Variants in MCTP2 observed in about 807,000 individuals in gnomAD.
The protein encoded by MCTP2 is multiple C2 and transmembrane domain-containing protein 2.
In MCTP2, 132 loss-of-function variants were observed where a neutral mutation model predicts 111.6. The ratio of observed to expected loss-of-function variants is 1.18; its 90% CI spans 1.03 to 1.37. MCTP2 has a LOEUF of 1.37. Ranked by LOEUF, MCTP2 falls within the 40% of genes most tolerant of loss-of-function variation. The probability of loss-of-function intolerance (pLI) is 0.00; values close to 1 mark genes in which losing one functional copy is unlikely to be tolerated. For synonymous variants in MCTP2, 395 were observed against 387.7 expected (o/e 1.02, Z -0.22); for missense variants, 1,183 against 1,067.9 (o/e 1.11, Z -1.50).
intron 1 of MCTP2, among the ~76,000 whole-genome samples, chr15:94,286,369 A>G (rs2074755376): frequency 6.6e-6 from 1 of 152,170 alleles, no homozygotes; most frequent in African/African-American, 2.4e-5. Flanking sequence ...CCCTCATGTT[A>G]AAATGACGTG....
intron 8 of MCTP2, among the ~76,000 whole-genome samples, chr15:94,349,797 G>A (rs1298278744): frequency 1.4e-5 from 2 of 138,994 alleles, no homozygotes; most frequent in Non-Finnish European, 3.0e-5. Flanking sequence ...TCCAGCCTGG[G>A]CAACACAGCG....
intron 1 of MCTP2, among the ~76,000 whole-genome samples, chr15:94,280,244 T>G (rs1030281904): frequency 6.6e-6 from 1 of 152,012 alleles, no homozygotes; most frequent in Non-Finnish European, 1.5e-5. Flanking sequence ...TTTCGTAGGT[T>G]TTTAAATTTT....
intron 17 of MCTP2, among the ~76,000 whole-genome samples, chr15:94,429,221 A>G (rs543651952): frequency 1.3e-5 from 2 of 152,150 alleles, no homozygotes; most frequent in South Asian, 2.1e-4. Context: ...TCCATTTTAC[A>G]GTGGATTCCA....
chr15:94,440,223 G>A lies in MCTP2; in HGVS notation c.2133G>A (p.Leu711=), dbSNP rs761603558. ...VWNFELYMIP[L]ALLLIFVYNF... The stretch of plus-strand genomic sequence containing the variant: ...ATTTTGAACTATATATGATCCCCTT[G>A]GCATTGTTGCTGATCTTTGTCTACA... Residue 711 remains leucine (L), a synonymous_variant, in exon 18 of 23, where the codon TTG becomes TTA. Transcript: ENST00000357742. The A allele has an allele frequency of 2.0e-5, 32 of 1,613,972 alleles. 1 individual carries two copies. The highest frequency in any genetic ancestry group is 2.6e-5 in the Non-Finnish European group (31 of 1,179,900).
chr15:94,398,907 T>C, intron 14 of MCTP2, 54 bp from the exon 15 acceptor site: 1 of 1,116,474 alleles, frequency 9.0e-7, no homozygotes, highest in Non-Finnish European at 1.3e-6. Flanking sequence ...TTATTTACTT[T>C]AAACCACATA....
chr15:94,284,398 T>C (rs1017761796), intron 1 of MCTP2, among the ~76,000 whole-genome samples: 1 of 152,156 alleles, frequency 6.6e-6, no homozygotes, highest in African/African-American at 2.4e-5. Flanking sequence ...CCTTTTGTAG[T>C]GGTATAATAG....
Position 94,345,147 on chromosome 15 carries a change from C to T in MCTP2, c.988C>T (p.Arg330Ter), listed in dbSNP as rs187855263. The T allele has an allele frequency of 2.7e-5, 43 of 1,612,418 alleles. No individual in the cohort carries two copies. Among genetic ancestry groups the T allele is most frequent in the Middle Eastern group, 1.7e-4 (1 of 6,050 alleles). Residue 330 changes from arginine to a stop codon, truncating the protein, a stop_gained, in exon 8 of 23, where the codon CGA becomes TGA. Transcript: ENST00000357742. LOFTEE classifies it high-confidence loss of function. ...FKRHRWSNRK[R>*]LSASKSSLIR... ...TCTTTAGCGTTGGTCAAATCGGAAG[C>T]GATTAAGTGCCAGCAAGGTAAATAT...
intron 1 of MCTP2, among the ~76,000 whole-genome samples, chr15:94,254,517 A>G (rs1295836528): frequency 2.0e-5 from 3 of 152,236 alleles, no homozygotes; most frequent in African/African-American, 7.2e-5. Context: ...ACAAGAAGAC[A>G]GTGCCTGCAC....
intron 12 of MCTP2, among the ~76,000 whole-genome samples, chr15:94,371,012 C>T (rs17630733): frequency 0.13 from 20,479 of 151,854 alleles, 1,565 homozygotes; most frequent in Middle Eastern, 0.19. Context: ...TCACTATATT[C>T]GTACAGCCTC....
intron 10 of MCTP2, among the ~76,000 whole-genome samples, chr15:94,365,941 T>C (rs2079159916): frequency 6.6e-6 from 1 of 152,168 alleles, no homozygotes; most frequent in African/African-American, 2.4e-5. Flanking sequence ...CTTTACTAAA[T>C]GAAAGTGTAT....
intron 14 of MCTP2, among the ~76,000 whole-genome samples, chr15:94,391,983 G>A (rs1417685730): frequency 1.3e-5 from 2 of 152,198 alleles, no homozygotes; most frequent in African/African-American, 2.4e-5. Flanking sequence ...ATACACAAAC[G>A]GATGAACAAA....
chr15:94,466,992 TG>T (rs2073392500), intron 20 of MCTP2, among the ~76,000 whole-genome samples: 2 of 152,228 alleles, frequency 1.3e-5, no homozygotes, highest in Non-Finnish European at 2.9e-5. Context: ...TTGTGTGTTT[TG>T]TGCAATAACA....
chr15:94,432,653 T>C (rs560701476), intron 17 of MCTP2, among the ~76,000 whole-genome samples: 1 of 152,324 alleles, frequency 6.6e-6, no homozygotes, highest in East Asian at 1.9e-4. Context: ...ACTACTTTCA[T>C]GGACAGTGTG....
intron 1 of MCTP2, among the ~76,000 whole-genome samples, chr15:94,295,524 T>C (rs1428747182): frequency 6.6e-6 from 1 of 152,100 alleles, no homozygotes; most frequent in African/African-American, 2.4e-5. Context: ...AGGTATACTT[T>C]ATTTCACACA....
intron 8 of MCTP2, among the ~76,000 whole-genome samples, chr15:94,345,904 C>T (rs904950022): frequency 1.3e-5 from 2 of 151,776 alleles, no homozygotes; most frequent in East Asian, 3.9e-4. Flanking sequence ...TGAGACTGTT[C>T]CTTCAGTTTC....
chr15:94,349,617 G>A (rs940078120), intron 8 of MCTP2, among the ~76,000 whole-genome samples: 87 of 151,992 alleles, frequency 5.7e-4, no homozygotes, highest in African/African-American at 1.9e-3. Context: ...TCAGGAGATC[G>A]AGACCATCCT....
In MCTP2 at chr15:94,339,196, G is replaced by A. The variant is rs1210463531; in HGVS notation, c.638-94G>A. 4 of 896,320 alleles carry A rather than the reference G, an allele frequency of 4.5e-6. No homozygotes were observed. In the Admixed American group the frequency reaches 7.6e-5, roughly 17 times the overall value. The allele number at this position is 896,320 out of a possible 1,614,324, so 55.5% of individuals were successfully genotyped here. A position where few individuals can be genotyped will look rare whatever the true frequency, so the allele number is the denominator to read the frequency against. On this transcript the variant is annotated intron_variant, in intron 4 of 22. Coordinates refer to ENST00000357742, the MANE Select transcript of MCTP2 (RefSeq NM_001385001.1). ...TTAATCTCTGTGCAGGGAGACATTA[G>A]CCTGGGGAGTGGGGAAAGGATCTTT... is the stretch of plus-strand genomic sequence containing the variant.
At chr15:94,465,652 C>G (rs965221065) in intron 20 of MCTP2, among the ~76,000 whole-genome samples, 10 of 152,108 alleles carry the variant, frequency 6.6e-5, no homozygotes, top group African/African-American at 2.4e-4. Context: ...TTGTATCTCA[C>G]CATCACTGTC....
intron 1 of MCTP2, among the ~76,000 whole-genome samples, chr15:94,268,625 G>A (rs1025882227): frequency 4.0e-5 from 6 of 151,860 alleles, no homozygotes; most frequent in African/African-American, 1.2e-4. Flanking sequence ...ATTAAATACC[G>A]TCAGAACTTC....
Sources: allele counts gnomAD v4.1 joint callset (sites outside exome capture counted in the v4.1 genomes callset), GRCh38; gene constraint gnomAD v4.1.1; transcripts MANE v1.5; gene names NCBI Gene and HGNC (gene_info 2026-07-23, HGNC 2026-07-21).